The following INPP5E variants were observed in gnomAD, a reference collection of about 807,000 sequenced individuals.
The protein encoded by INPP5E is phosphatidylinositol polyphosphate 5-phosphatase type IV.
INPP5E carries 34 observed loss-of-function variants against 50.5 expected under a neutral mutation model. The observed-to-expected ratio is 0.67, with a 90% CI of 0.51 to 0.90. INPP5E has a LOEUF of 0.90. INPP5E is among the 40% of genes least tolerant of loss of function. The pLI is 0.00. For synonymous variants in INPP5E, 447 were observed against 406.0 expected (o/e 1.10, Z -1.21); for missense variants, 942 against 905.5 (o/e 1.04, Z -0.52).
chr9:136,431,103 C>A lies in INPP5E; in HGVS notation c.1564G>T (p.Gly522Cys). ...AAGTGGATGTCCGGCTCCTGGAAGC[C>A]CTTGAAGATGGACCCTGCCACAGGA... ...REMRKGSIFK[G>C]FQEPDIHFLP... Residue 522 changes from glycine to cysteine, a missense_variant, in exon 8 of 10, where the codon GGC becomes TGC. Gly to Cys is a radical substitution (Grantham distance 159, BLOSUM62 -3). Coordinates refer to ENST00000371712, the MANE Select transcript of INPP5E (RefSeq NM_019892.6). The A allele has an allele frequency of 6.2e-7, 1 of 1,612,446 alleles. No individual in the cohort carries two copies. The highest frequency in any genetic ancestry group is 8.5e-7 in the Non-Finnish European group (1 of 1,179,168).
chr9:136,431,069 G>A lies in INPP5E; in HGVS notation c.1598C>T (p.Ser533Leu), dbSNP rs757592615. 2 of 1,613,280 alleles carry A rather than the reference G, an allele frequency of 1.2e-6. No homozygotes were observed. Among genetic ancestry groups the A allele is most frequent in the South Asian group, 2.2e-5 (2 of 91,072 alleles). Residue 533 changes from serine to leucine, a missense_variant, in exon 8 of 10, where the codon TCA becomes TTA. By Grantham distance (145) the Ser-to-Leu change is moderately radical. Transcript: ENST00000371712. ...GTCCTTCCCGATGTCAAACTTGTAT[G>A]ATGGGAGGAAGTGGATGTCCGGCTC... ...FQEPDIHFLP[S>L]YKFDIGKDTY...
intron 8 of INPP5E, 45 bp downstream of exon 8, chr9:136,430,957 C>T (rs1386475764): frequency 2.2e-6 from 3 of 1,364,806 alleles, no homozygotes; most frequent in South Asian, 2.3e-5. Flanking sequence ...GTGGGAGATG[C>T]CTGCCCTGGA....
chr9:136,431,215 TC>T (rs1275082735), intron 7 of INPP5E, 98 bp from the exon 8 acceptor site: 4 of 299,134 alleles, frequency 1.3e-5, no homozygotes, highest in South Asian at 3.9e-5. Context: ...ACGCCCACCC[TC>T]CCCCCACCCG....
Position 136,433,284 on chromosome 9 carries a change from AGAG to A in INPP5E, c.1035-8_1035-6del, listed in dbSNP as rs1226334444. 39 of 1,579,716 alleles carry A rather than the reference AGAG, an allele frequency of 2.5e-5. No individual in the cohort carries two copies. Among genetic ancestry groups the A allele is most frequent in the Non-Finnish European group, 3.2e-5 (38 of 1,169,916 alleles). ...AGACGAGTCTCCCACTCCCGCCTGC[AGAG>A]GAGGAAGCACGGCCGGCTGGGGGAC... On this transcript the variant is annotated splice_region_variant and splice_polypyrimidine_tract_variant and intron_variant, in intron 3 of 9. Transcript: ENST00000371712.
In INPP5E at chr9:136,439,457, G is replaced by C; in HGVS notation, c.-38C>G. 1 of 1,398,830 alleles carries C rather than the reference G, an allele frequency of 7.1e-7. No individual in the cohort carries two copies. Among genetic ancestry groups the C allele is most frequent in the Non-Finnish European group, 9.3e-7 (1 of 1,070,874 alleles). The allele number at this position is 1,398,830 out of a possible 1,614,324, so 86.7% of individuals were successfully genotyped here. A position where few individuals can be genotyped will look rare whatever the true frequency, so the allele number is the denominator to read the frequency against. On this transcript the variant is annotated 5_prime_UTR_variant, in exon 1 of 10. Transcript: ENST00000371712. The stretch of plus-strand genomic sequence containing the variant: ...CCGGGGCAGGCCTCGGCGCGAGGCC[G>C]CAGGCAGCGCGAGGGGTCACGGGTG...
Position 136,434,813 on chromosome 9 carries a change from T to C in INPP5E, c.863A>G (p.Asp288Gly). ...LLASGALLGA[D>G]ELARYFPDRN... Reference sequence around the variant, plus strand: ...GTCTGGGAAGTAGCGGGCCAGCTCATCCGCCCCCAACAGGGCCCCGCTGGC... The same window carrying C: ...GTCTGGGAAGTAGCGGGCCAGCTCACCCGCCCCCAACAGGGCCCCGCTGGC... The change falls in exon 2 of 10, where the codon GAT becomes GGT. Residue 288 changes from aspartate (D) to glycine (G), a missense_variant. Asp to Gly is a moderately conservative substitution (Grantham distance 94). Coordinates refer to ENST00000371712, the MANE Select transcript of INPP5E (RefSeq NM_019892.6). The C allele has an allele frequency of 6.2e-7, 1 of 1,606,820 alleles. No homozygotes were observed. The highest frequency in any genetic ancestry group is 1.1e-5 in the South Asian group (1 of 90,666).
chr9:136,430,148 G>T, intron 9 of INPP5E, 129 bp downstream of exon 9: 3 of 1,234,468 alleles, frequency 2.4e-6, no homozygotes, highest in Non-Finnish European at 3.4e-6. Flanking sequence ...CGATCCCGGG[G>T]AACACAGCCC....
At chr9:136,429,850 G>A in intron 9 of INPP5E, 43 bp from the exon 10 acceptor site, 1 of 1,590,024 alleles carries the variant, frequency 6.3e-7, no homozygotes, top group Non-Finnish European at 8.6e-7. Flanking sequence ...CCAGGGCCAG[G>A]AGGAGGGGGC....
At chr9:136,432,133 C>T in intron 6 of INPP5E, 148 bp from the exon 7 acceptor site, 1 of 985,168 alleles carries the variant, frequency 1.0e-6, no homozygotes, top group South Asian at 1.4e-5. Context: ...GGGATTCGCA[C>T]TGGGACAGTT....
Position 136,433,046 on chromosome 9 carries a change from T to A in INPP5E, c.1189A>T (p.Ile397Phe), listed in dbSNP as rs140705002. 6.2e-7 allele frequency: 1 copy of A among 1,613,196 alleles called. No individual in the cohort carries two copies. The highest frequency in any genetic ancestry group is 8.5e-7 in the Non-Finnish European group (1 of 1,179,920). The change falls in exon 5 of 10, where the codon ATC becomes TTC. Residue 397 changes from isoleucine to phenylalanine, a missense_variant. Coordinates refer to ENST00000371712, the MANE Select transcript of INPP5E (RefSeq NM_019892.6). The stretch of plus-strand genomic sequence containing the variant: ...CCCTTGGTCTTGATCTGAGACACGA[T>A]GCGTGTGGTCACCGTGGAGCACTCC... ...EVECSTVTTR[I>F]VSQIKTKGAL...
chr9:136,439,435 G>C lies in INPP5E; in HGVS notation c.-16C>G, dbSNP rs1354828597. ...TGGACGGCATGGACGGTCTCTCCCGGGGCAGGCCTCGGCGCGAGGCCGCAG... is the reference window on the plus strand; with the variant it reads ...TGGACGGCATGGACGGTCTCTCCCGCGGCAGGCCTCGGCGCGAGGCCGCAG... On this transcript the variant is annotated 5_prime_UTR_variant, in exon 1 of 10. Coordinates refer to ENST00000371712, the MANE Select transcript of INPP5E (RefSeq NM_019892.6). 26 of 1,446,678 alleles carry C rather than the reference G, an allele frequency of 1.8e-5. No homozygotes were observed. Among genetic ancestry groups the C allele is most frequent in the Non-Finnish European group, 2.3e-5 (25 of 1,103,574 alleles). 89.6% of individuals were successfully genotyped at this position (1,446,678 alleles called of 1,614,324 possible). A position where few individuals can be genotyped will look rare whatever the true frequency, so the allele number is the denominator to read the frequency against.
Position 136,429,815 on chromosome 9 carries a change from G to A in INPP5E, c.1803-8C>T. The A allele has an allele frequency of 6.2e-7, 1 of 1,613,000 alleles. No homozygotes were observed. The highest frequency in any genetic ancestry group is 8.5e-7 in the Non-Finnish European group (1 of 1,179,722). The stretch of plus-strand genomic sequence containing the variant: ...CCAGCTGCCAACGGAATGCTGTGGA[G>A]GAGGAGGGGGCGTTAGGAGGGCACC... On this transcript the variant is annotated splice_polypyrimidine_tract_variant and splice_region_variant and intron_variant, in intron 9 of 9. Transcript: ENST00000371712.
In INPP5E at chr9:136,431,937, T is replaced by G. The variant is rs1300257345; in HGVS notation, c.1436A>C (p.Asn479Thr). 6.2e-7 allele frequency: 1 copy of G among 1,611,866 alleles called. No homozygotes were observed. The highest frequency in any genetic ancestry group is 1.3e-5 in the African/African-American group (1 of 74,644). ...TGTGCGCCCGCCACTCAGGCGGAAG[T>G]TGAAGTCTCCAAACCAGAACACCTC... ...FDEVFWFGDF[N>T]FRLSGGRTVV... is the part of the protein sequence containing the mutation. Residue 479 changes from asparagine to threonine, a missense_variant, in exon 7 of 10, where the codon AAC (asparagine) becomes ACC (threonine). Coordinates refer to ENST00000371712, the MANE Select transcript of INPP5E (RefSeq NM_019892.6).
rs1202662483 is a variant in INPP5E, at chr9:136,431,074, G to A, written c.1593C>T (p.Leu531=). Residue 531 remains leucine (L), a synonymous_variant, in exon 8 of 10, where the codon CTC becomes CTT. Transcript: ENST00000371712. ...TCCCGATGTCAAACTTGTATGATGG[G>A]AGGAAGTGGATGTCCGGCTCCTGGA... The part of the protein sequence containing the change: ...KGFQEPDIHF[L]PSYKFDIGKD... The A allele has an allele frequency of 5.9e-5, 95 of 1,613,212 alleles. No homozygotes were observed. The highest frequency in any genetic ancestry group is 7.9e-5 in the Non-Finnish European group (93 of 1,179,728).
At chr9:136,435,912 T>C (rs1340179901) in intron 1 of INPP5E, 3 of 152,210 alleles carry the variant, frequency 2.0e-5, no homozygotes, top group Non-Finnish European at 4.4e-5. Flanking sequence ...TTTGGAAATG[T>C]AAAACCCGTT....
intron 1 of INPP5E, chr9:136,437,224 GCTACCTTCGGGGA>G (rs1835850358): frequency 6.6e-6 from 1 of 152,264 alleles, no homozygotes; most frequent in African/African-American, 2.4e-5. Flanking sequence ...GGGAAGTGAG[GCTACCTTCGGGGA>G]CTGTGGTGAG....
In INPP5E at chr9:136,433,081, G is replaced by C. The variant is rs373495219; in HGVS notation, c.1160-6C>G. The C allele has an allele frequency of 6.2e-7, 1 of 1,609,454 alleles. No individual in the cohort carries two copies. On this transcript the variant is annotated splice_polypyrimidine_tract_variant and splice_region_variant and intron_variant, in intron 4 of 9. Transcript: ENST00000371712. ...CACCGTGGAGCACTCCACCTCTGTG[G>C]GAGGGGCAGCCCTCAGCTCACCTGT...
rs1473816782 is a variant in INPP5E at position 136,439,668 on chromosome 9, C to A, written c.-249G>T. The A allele has an allele frequency of 1.5e-5, 5 of 330,282 alleles. No homozygotes were observed. The highest frequency in any genetic ancestry group is 2.7e-5 in the Non-Finnish European group (5 of 183,078). 20.5% of individuals were successfully genotyped at this position (330,282 alleles called of 1,614,324 possible). ...CGCAGGCAAGGCCTGGGGGAACAGGCGGCTGGGCGCCTGTCGCGGGGGAGG... is the reference window on the plus strand; with the variant it reads ...CGCAGGCAAGGCCTGGGGGAACAGGAGGCTGGGCGCCTGTCGCGGGGGAGG... On this transcript the variant is annotated 5_prime_UTR_variant, in exon 1 of 10. Coordinates refer to ENST00000371712, the MANE Select transcript of INPP5E (RefSeq NM_019892.6).
chr9:136,431,034 T>C lies in INPP5E; in HGVS notation c.1633A>G (p.Ser545Gly), dbSNP rs1835687019. ...KFDIGKDTYD[S>G]TSKQRTPSYT... ...GAGGGCGTCCTCTGCTTGGAGGTGCTGTCGTACGTGTCCTTCCCGATGTCA... is the reference window on the plus strand; with the variant it reads ...GAGGGCGTCCTCTGCTTGGAGGTGCCGTCGTACGTGTCCTTCCCGATGTCA... Residue 545 changes from serine to glycine, a missense_variant, in exon 8 of 10, where the codon AGC (serine) becomes GGC (glycine). By Grantham distance (56) the Ser-to-Gly change is moderately conservative (BLOSUM62 0). Coordinates refer to ENST00000371712, the MANE Select transcript of INPP5E (RefSeq NM_019892.6). The C allele has an allele frequency of 2.5e-6, 4 of 1,613,096 alleles. No homozygotes were observed. Among genetic ancestry groups the C allele is most frequent in the Non-Finnish European group, 2.5e-6 (3 of 1,179,490 alleles).
Sources: allele counts gnomAD v4.1 joint callset, GRCh38; gene constraint gnomAD v4.1.1; transcripts MANE v1.5; gene names NCBI Gene and HGNC (gene_info 2026-07-23, HGNC 2026-07-21).